The following PRELID2 variants were observed in gnomAD, a reference collection of about 807,000 sequenced individuals.
PRELID2 encodes PRELI domain containing 2.
A neutral mutation model predicts 28.4 loss-of-function variants in PRELID2; 25 were observed. The ratio of observed to expected loss-of-function variants is 0.88; its 90% CI spans 0.64 to 1.23. The LOEUF is 1.23. PRELID2 is among the 50% of genes most tolerant of loss of function. The probability of loss-of-function intolerance (pLI) is 0.00; values close to 1 mark genes in which losing one functional copy is unlikely to be tolerated. For missense variants in PRELID2, 201 were observed against 214.4 expected, an observed-to-expected ratio of 0.94 and a Z score of 0.39; for synonymous variants, 76 against 71.6, an observed-to-expected ratio of 1.06 and a Z score of -0.31.
chr5:145,475,004 T>C (rs1407140863), intron 1 of PRELID2, among the ~76,000 whole-genome samples: 2 of 152,202 alleles, frequency 1.3e-5, no homozygotes, highest in Non-Finnish European at 2.9e-5. Flanking sequence ...AATAAAGTTC[T>C]TCTGAAAATT....
chr5:145,294,096 C>T, the PRELID2 span, among the ~76,000 whole-genome samples: 5 of 152,162 alleles, frequency 3.3e-5, no homozygotes, highest in African/African-American at 1.2e-4. Flanking sequence ...CCCAAGAGCA[C>T]ATCTTTTTGA....
intron 1 of PRELID2, among the ~76,000 whole-genome samples, chr5:145,707,892 A>G (rs1755589777): frequency 6.6e-6 from 1 of 152,162 alleles, no homozygotes; most frequent in African/African-American, 2.4e-5. Flanking sequence ...CCTGGGAGAC[A>G]CCCAGCATGC....
At chr5:145,567,069 G>A (rs1334482550) in intron 1 of PRELID2, among the ~76,000 whole-genome samples, 1 of 151,938 alleles carries the variant, frequency 6.6e-6, no homozygotes, top group Non-Finnish European at 1.5e-5. Flanking sequence ...CATATATGAT[G>A]TTGGAGTTTT....
chr5:145,365,173 G>GA, the PRELID2 span, among the ~76,000 whole-genome samples: 1 of 151,974 alleles, frequency 6.6e-6, no homozygotes, highest in African/African-American at 2.4e-5. Context: ...AGTTAGAAAT[G>GA]AAAAATAAGC....
the PRELID2 span, among the ~76,000 whole-genome samples, chr5:145,335,863 G>A: frequency 6.6e-6 from 1 of 152,162 alleles, no homozygotes; most frequent in Admixed American, 6.5e-5. Flanking sequence ...CTTCCACAAG[G>A]GTTGAACTTG....
At chr5:145,316,648 A>G in the PRELID2 span, among the ~76,000 whole-genome samples, 1 of 152,172 alleles carries the variant, frequency 6.6e-6, no homozygotes, top group East Asian at 1.9e-4. Flanking sequence ...TGAATTCTAT[A>G]TTTACTGAAC....
At chr5:145,522,735 G>A (rs1385395678) in intron 1 of PRELID2, among the ~76,000 whole-genome samples, 1 of 151,226 alleles carries the variant, frequency 6.6e-6, no homozygotes, top group Non-Finnish European at 1.5e-5. Flanking sequence ...ATAACTTGAA[G>A]CAATGTTATC....
chr5:145,740,551 G>GACTA (rs1561566356), intron 1 of PRELID2, among the ~76,000 whole-genome samples: 2 of 122,718 alleles, frequency 1.6e-5, no homozygotes, highest in African/African-American at 6.2e-5. Context: ...AACAACATGA[G>GACTA]AATATTCAAG....
chr5:145,639,976 C>A (rs1251778049), intron 1 of PRELID2, among the ~76,000 whole-genome samples: 2 of 152,126 alleles, frequency 1.3e-5, no homozygotes, highest in Non-Finnish European at 2.9e-5. Flanking sequence ...GAACAGGCCC[C>A]ACCACCCTCT....
At chr5:145,267,186 G>A in the PRELID2 span, among the ~76,000 whole-genome samples, 1 of 152,110 alleles carries the variant, frequency 6.6e-6, no homozygotes, top group Non-Finnish European at 1.5e-5. Flanking sequence ...AAAGATGTAG[G>A]CTAGGAGGAT....
chr5:145,663,209 C>T (rs1398732240), intron 1 of PRELID2, among the ~76,000 whole-genome samples: 2 of 152,060 alleles, frequency 1.3e-5, no homozygotes, highest in Non-Finnish European at 2.9e-5. Context: ...GACAAATGTG[C>T]AGCACACAGG....
chr5:145,237,309 C>T, the PRELID2 span, among the ~76,000 whole-genome samples: 15 of 152,132 alleles, frequency 9.9e-5, no homozygotes, highest in African/African-American at 3.4e-4. Flanking sequence ...TCTAAGACAG[C>T]TCTTTAGATT....
At chr5:145,424,518 G>A in the PRELID2 span, among the ~76,000 whole-genome samples, 9 of 152,294 alleles carry the variant, frequency 5.9e-5, no homozygotes, top group African/African-American at 1.2e-4. Flanking sequence ...GTCAGTCACC[G>A]CTTTCTTTGA....
At chr5:145,431,851 A>G in the PRELID2 span, among the ~76,000 whole-genome samples, 1 of 152,202 alleles carries the variant, frequency 6.6e-6, no homozygotes. Context: ...TCTTAGAGAA[A>G]CAATAGCAGA....
chr5:145,256,780 T>C, the PRELID2 span, among the ~76,000 whole-genome samples: 6 of 151,996 alleles, frequency 3.9e-5, no homozygotes, highest in Non-Finnish European at 5.9e-5. Flanking sequence ...AAAAGAAGAA[T>C]GTCAGCATAC....
the PRELID2 span, among the ~76,000 whole-genome samples, chr5:145,363,069 A>G: frequency 6.6e-6 from 1 of 151,782 alleles, no homozygotes; most frequent in East Asian, 1.9e-4. Context: ...CAAAAAAAAA[A>G]AAACAAGGCC....
rs145918398 is a variant in PRELID2, at chr5:145,712,198, G to C, written n.70+52733C>G. On this transcript the variant is annotated intron_variant and non_coding_transcript_variant, in intron 1 of 2. Transcript: ENST00000510259. ...TTTTGTGAGTCAATGTTAAATACCT[G>C]CACTATTAAATTATATACACTTAAA... Among the ~76,000 whole-genome samples the C allele has an allele frequency of 3.8e-3, 584 of 152,264 alleles. 4 individuals carry two copies. Among genetic ancestry groups the C allele is most frequent in the African/African-American group, 0.013 (560 of 41,540 alleles).
the PRELID2 span, among the ~76,000 whole-genome samples, chr5:145,357,750 G>T: frequency 6.6e-6 from 1 of 151,624 alleles, no homozygotes; most frequent in Non-Finnish European, 1.5e-5. Flanking sequence ...CTGACATTTC[G>T]GCCATTTTAT....
intron 1 of PRELID2, among the ~76,000 whole-genome samples, chr5:145,738,209 T>G (rs1371136362): frequency 6.6e-6 from 1 of 152,040 alleles, no homozygotes; most frequent in Admixed American, 6.6e-5. Context: ...CCAGCTGGAG[T>G]AATGTCACAA....
Sources: allele counts gnomAD v4.1 joint callset (sites outside exome capture counted in the v4.1 genomes callset), GRCh38; gene constraint gnomAD v4.1.1; transcripts MANE v1.5; gene names NCBI Gene and HGNC (gene_info 2026-07-23, HGNC 2026-07-21).